The following CCDC192 variants were observed in gnomAD, a reference collection of about 807,000 sequenced individuals.
CCDC192 encodes the protein coiled-coil domain-containing protein 192.
intron 6 of CCDC192, among the ~76,000 whole-genome samples, chr5:127,932,002 A>G (rs991809699): frequency 6.6e-6 from 1 of 151,698 alleles, no homozygotes; most frequent in Non-Finnish European, 1.5e-5. Flanking sequence ...TACAAAAAAA[A>G]AATTAGCCGG....
chr5:127,785,957 T>G, intron 3 of CCDC192: 2 of 527,652 alleles, frequency 3.8e-6, no homozygotes, highest in Non-Finnish European at 7.1e-6. Context: ...TGTACATACA[T>G]TTTGGGGTCA....
intron 2 of CCDC192, among the ~76,000 whole-genome samples, chr5:127,721,488 A>G (rs1045404176): frequency 1.2e-4 from 19 of 152,166 alleles, no homozygotes; most frequent in South Asian, 2.1e-4. Flanking sequence ...TTTGGTCACA[A>G]CCATTCAAGA....
intron 6 of CCDC192, among the ~76,000 whole-genome samples, chr5:127,931,432 T>C (rs1256812663): frequency 6.6e-6 from 1 of 152,186 alleles, no homozygotes; most frequent in Admixed American, 6.5e-5. Context: ...ATGCATTCAA[T>C]CAGCTAGTAA....
chr5:127,858,342 T>C (rs569132956), intron 5 of CCDC192, among the ~76,000 whole-genome samples: 22 of 152,312 alleles, frequency 1.4e-4, no homozygotes, highest in African/African-American at 5.3e-4. Flanking sequence ...GCAAGACCTT[T>C]ACACACAGTG....
intron 6 of CCDC192, among the ~76,000 whole-genome samples, chr5:127,915,736 T>G (rs970717115): frequency 2.6e-5 from 4 of 152,256 alleles, no homozygotes; most frequent in African/African-American, 7.2e-5. Context: ...TTTTTTTTTT[T>G]TAGCTCATCA....
chr5:127,926,321 T>A (rs190362403), intron 6 of CCDC192, among the ~76,000 whole-genome samples: 1 of 152,320 alleles, frequency 6.6e-6, no homozygotes, highest in African/African-American at 2.4e-5. Context: ...ACTTTAACAA[T>A]CTGATAAGTG....
rs148419117 is a variant in CCDC192 at position 127,716,515 on chromosome 5, C to T, written c.114+8755C>T. 9.2e-5 allele frequency among the ~76,000 whole-genome samples: 14 copies of T among 152,198 alleles called. No individual in the cohort carries two copies. In the East Asian group the frequency reaches 2.7e-3, roughly 29 times the overall value. Reference sequence around the variant, plus strand: ...GATTTCAGCAGTGAAGCTGTCAGGTCCTGAGCTTTTCTTTGATGGGAGATT... The same window carrying T: ...GATTTCAGCAGTGAAGCTGTCAGGTTCTGAGCTTTTCTTTGATGGGAGATT... On this transcript the variant is annotated intron_variant, in intron 2 of 6. Transcript: ENST00000514853.
chr5:127,891,268 G>A (rs532216795), intron 6 of CCDC192, among the ~76,000 whole-genome samples: 29 of 152,268 alleles, frequency 1.9e-4, no homozygotes, highest in African/African-American at 7.0e-4. Flanking sequence ...TGGCCGGGCT[G>A]GTCTTGAACT....
At chr5:127,835,200 A>G (rs1405694721) in intron 5 of CCDC192, among the ~76,000 whole-genome samples, 1 of 152,250 alleles carries the variant, frequency 6.6e-6, no homozygotes, top group African/African-American at 2.4e-5. Flanking sequence ...CAGGAAATTT[A>G]CATTCTCAAA....
chr5:127,933,552 G>A (rs769958168), intron 6 of CCDC192, among the ~76,000 whole-genome samples: 3 of 152,150 alleles, frequency 2.0e-5, no homozygotes, highest in Non-Finnish European at 4.4e-5. Flanking sequence ...TGATGCGAGT[G>A]GTTAGAGACA....
At chr5:127,793,542 AG>A (rs1461534631) in intron 3 of CCDC192, among the ~76,000 whole-genome samples, 1 of 152,228 alleles carries the variant, frequency 6.6e-6, no homozygotes, top group Non-Finnish European at 1.5e-5. Context: ...GAATGGAGGC[AG>A]ACAAATGAGG....
Position 127,889,961 on chromosome 5 carries a change from T to A in CCDC192, c.535+14300T>A, listed in dbSNP as rs539139134. On this transcript the variant is annotated intron_variant, in intron 6 of 6. Coordinates refer to ENST00000514853, the MANE Select transcript of CCDC192 (RefSeq NM_001317938.2). The stretch of plus-strand genomic sequence containing the variant: ...TTCCTTAACTAATCAATATGTCCCC[T>A]GATGGATGTTTGCTTCCATCTGTTT... Among the ~76,000 whole-genome samples the A allele has an allele frequency of 1.2e-4, 18 of 152,220 alleles. 1 individual carries two copies. In the South Asian group the frequency reaches 3.3e-3, roughly 28 times the overall value.
At chr5:127,925,193 C>T (rs552795797) in intron 6 of CCDC192, among the ~76,000 whole-genome samples, 1 of 152,162 alleles carries the variant, frequency 6.6e-6, no homozygotes, top group African/African-American at 2.4e-5. Context: ...ATATAACTTA[C>T]CTGATAAAGT....
At chr5:127,903,809 T>A (rs1299662840) in intron 6 of CCDC192, among the ~76,000 whole-genome samples, 1 of 152,148 alleles carries the variant, frequency 6.6e-6, no homozygotes, top group Non-Finnish European at 1.5e-5. Flanking sequence ...TCCAAAGAAA[T>A]GAAAGCTTTT....
intron 2 of CCDC192, among the ~76,000 whole-genome samples, chr5:127,712,280 A>G (rs551625005): frequency 6.6e-6 from 1 of 152,176 alleles, no homozygotes; most frequent in African/African-American, 2.4e-5. Context: ...ATCAAATCTC[A>G]TGTTGAACTT....
intron 2 of CCDC192, among the ~76,000 whole-genome samples, chr5:127,715,271 C>T (rs1327855230): frequency 6.6e-6 from 1 of 152,180 alleles, no homozygotes; most frequent in African/African-American, 2.4e-5. Flanking sequence ...ACATTTAAGT[C>T]TTTAATCCAT....
intron 2 of CCDC192, among the ~76,000 whole-genome samples, chr5:127,725,890 C>T (rs1752291994): frequency 2.0e-5 from 3 of 152,096 alleles, no homozygotes; most frequent in Admixed American, 6.5e-5. Context: ...ATACTTTTGG[C>T]AACACAGTAT....
intron 5 of CCDC192, among the ~76,000 whole-genome samples, chr5:127,871,683 G>C (rs1751867787): frequency 6.6e-6 from 1 of 152,150 alleles, no homozygotes; most frequent in South Asian, 2.1e-4. Flanking sequence ...TTTAAACAGT[G>C]CTGGCAACTT....
chr5:127,853,543 C>G (rs1171437084), intron 5 of CCDC192, among the ~76,000 whole-genome samples: 2 of 152,094 alleles, frequency 1.3e-5, no homozygotes, highest in East Asian at 3.9e-4. Flanking sequence ...GAGGTTGATT[C>G]GGGCAGATCA....
Sources: gnomAD v4.1 joint callset for allele counts (sites outside exome capture counted in the v4.1 genomes callset) on GRCh38, gnomAD v4.1.1 for gene constraint, MANE v1.5 for transcripts, NCBI Gene and HGNC (gene_info 2026-07-23, HGNC 2026-07-21) for gene names.